DMD: variants seen among roughly 807,000 people sequenced by gnomAD.
The protein encoded by DMD is mutant dystrophin.
DMD carries 63 observed loss-of-function variants against 330.1 expected under a neutral mutation model. The observed-to-expected ratio is 0.19, with a 90% CI of 0.16 to 0.24. The LOEUF (loss-of-function observed/expected upper bound fraction) is 0.24, where lower values mean the gene tolerates loss of function less well. Ranked by LOEUF, DMD falls within the 10% of genes least tolerant of loss-of-function variation. DMD has a pLI of 1.00. For synonymous variants in DMD, 1,223 were observed against 959.8 expected (o/e 1.27, Z -5.07); for missense variants, 3,344 against 2,684.1 (o/e 1.25, Z -5.43).
chrX:32,891,165 G>T (rs1569539775), intron 2 of DMD, among the ~76,000 whole-genome samples: 1 of 112,143 alleles, frequency 8.9e-6, no homozygotes, highest in Admixed American at 9.4e-5. Flanking sequence ...CTGGAGTACA[G>T]TTCAAAAATA....
At chrX:31,931,185 G>C (rs1271665158) in intron 46 of DMD, among the ~76,000 whole-genome samples, 1 of 111,249 alleles carries the variant, frequency 9.0e-6, no homozygotes, top group African/African-American at 3.3e-5. Flanking sequence ...CTGATATGAA[G>C]ATTAAATAAA....
At chrX:31,661,005 T>C (rs1048397131) in intron 53 of DMD, among the ~76,000 whole-genome samples, 1 of 112,082 alleles carries the variant, frequency 8.9e-6, no homozygotes, top group African/African-American at 3.2e-5. Flanking sequence ...AATTATAACA[T>C]ATCCTAGAAT....
At chrX:32,750,341 C>G (rs911077555) in intron 7 of DMD, among the ~76,000 whole-genome samples, 1 of 111,193 alleles carries the variant, frequency 9.0e-6, no homozygotes, top group Non-Finnish European at 1.9e-5. Context: ...AAAAACTTCC[C>G]GTGTTTCATA....
chrX:32,826,847 C>T (rs1440330704), intron 4 of DMD, among the ~76,000 whole-genome samples: 1 of 110,259 alleles, frequency 9.1e-6, no homozygotes, highest in South Asian at 3.8e-4. Flanking sequence ...TTTTAAGTGT[C>T]CTCAACCCCA....
At chrX:31,288,331 C>A (rs575873890) in intron 62 of DMD, among the ~76,000 whole-genome samples, 3 of 111,896 alleles carry the variant, frequency 2.7e-5, no homozygotes, top group Middle Eastern at 4.6e-3. Context: ...AAGCACTTCA[C>A]CAGTTAAGTC....
intron 60 of DMD, among the ~76,000 whole-genome samples, chrX:31,367,386 A>G (rs1188764026): frequency 9.0e-6 from 1 of 111,474 alleles, no homozygotes; most frequent in Non-Finnish European, 1.9e-5. Flanking sequence ...TATGCAATAT[A>G]ATTTTGAAAA....
At chrX:33,055,779 A>G (rs988644033) in intron 1 of DMD, among the ~76,000 whole-genome samples, 1 of 111,754 alleles carries the variant, frequency 8.9e-6, no homozygotes, top group Non-Finnish European at 1.9e-5. Context: ...TTCTATTCCC[A>G]GTATCTCTGG....
At chrX:31,998,098 A>G in intron 44 of DMD, among the ~76,000 whole-genome samples, 1 of 111,068 alleles carries the variant, frequency 9.0e-6, no homozygotes, top group East Asian at 2.9e-4. Context: ...GTAGTCTACC[A>G]CTGTTTGTCA....
chrX:32,635,799 T>C (rs2059055285), intron 11 of DMD, among the ~76,000 whole-genome samples: 1 of 111,895 alleles, frequency 8.9e-6, no homozygotes, highest in African/African-American at 3.2e-5. Flanking sequence ...CAGAACCAAT[T>C]ACCCCCTCAA....
In DMD at chrX:32,341,265, G is replaced by A. The variant is rs1432247739; in HGVS notation, c.5922+835C>T. Among the ~76,000 whole-genome samples the A allele has an allele frequency of 2.7e-5, 3 of 111,283 alleles. No individual in the cohort carries two copies. The Admixed American group carries it at 2.9e-4, about 11-fold the overall frequency. On this transcript the variant is annotated intron_variant, in intron 41 of 78. Coordinates refer to ENST00000357033, the MANE Select transcript of DMD (RefSeq NM_004006.3). ...GATTTTGACATCCTGGTTTTGTGAG[G>A]AGTACTTTCTTCTATAATTACAGAT... is the stretch of plus-strand genomic sequence containing the variant.
chrX:32,316,131 G>T (rs2097581676), intron 41 of DMD, among the ~76,000 whole-genome samples: 1 of 111,541 alleles, frequency 9.0e-6, no homozygotes, highest in Non-Finnish European at 1.9e-5. Context: ...AGAGCAACCA[G>T]TGTCAATACA....
intron 1 of DMD, among the ~76,000 whole-genome samples, chrX:33,077,742 T>A (rs2094867379): frequency 8.9e-6 from 1 of 112,093 alleles, no homozygotes; most frequent in Non-Finnish European, 1.9e-5. Flanking sequence ...AAAGCAAACA[T>A]TTGAAATCAT....
chrX:32,344,421 A>G (rs1482331855), intron 39 of DMD, among the ~76,000 whole-genome samples: 1 of 111,721 alleles, frequency 9.0e-6, no homozygotes, highest in Non-Finnish European at 1.9e-5. Flanking sequence ...AATCACTTAT[A>G]GCCTGTATTT....
At chrX:32,719,525 G>C (rs751156248) in intron 7 of DMD, among the ~76,000 whole-genome samples, 4 of 111,359 alleles carry the variant, frequency 3.6e-5, no homozygotes, top group Non-Finnish European at 7.6e-5. Context: ...AGAAACCTTA[G>C]TATTGCAAAG....
At chrX:32,405,632 C>G in intron 30 of DMD, among the ~76,000 whole-genome samples, 2 of 111,536 alleles carry the variant, frequency 1.8e-5, no homozygotes, top group Admixed American at 1.9e-4. Context: ...GGTACCAGTA[C>G]CATGCTGTTT....
At chrX:31,627,489 T>C in intron 55 of DMD, among the ~76,000 whole-genome samples, 184 bp downstream of exon 55, 1 of 111,999 alleles carries the variant, frequency 8.9e-6, no homozygotes, top group Non-Finnish European at 1.9e-5. Flanking sequence ...GGGTGTTAAG[T>C]GGAATTATAA....
chrX:32,389,712 G>A (rs1260378113), intron 31 of DMD, 38 bp from the exon 32 acceptor site: 2 of 1,157,603 alleles, frequency 1.7e-6, no homozygotes, highest in Non-Finnish European at 2.4e-6. Context: ...ATTTAATTTT[G>A]CCTTTCAAAC....
intron 12 of DMD, among the ~76,000 whole-genome samples, chrX:32,613,428 C>A (rs2057324739): frequency 9.2e-6 from 1 of 109,114 alleles, no homozygotes; most frequent in Admixed American, 9.9e-5. Context: ...GTAGAAGTCT[C>A]AATAACAGAA....
chrX:31,783,095 T>C (rs1193772456), intron 50 of DMD, among the ~76,000 whole-genome samples: 1 of 111,622 alleles, frequency 9.0e-6, no homozygotes, highest in Non-Finnish European at 1.9e-5. Context: ...AAAACTGATA[T>C]CAGAATAAAA....
Sources: gnomAD v4.1 joint callset for allele counts (sites outside exome capture counted in the v4.1 genomes callset) on GRCh38, gnomAD v4.1.1 for gene constraint, MANE v1.5 for transcripts, NCBI Gene and HGNC (gene_info 2026-07-23, HGNC 2026-07-21) for gene names.